Variants in PDE9A observed in about 807,000 individuals in gnomAD.
The protein encoded by PDE9A is phosphodiesterase 9A.
A neutral mutation model predicts 87.4 loss-of-function variants in PDE9A; 60 were observed. The observed-to-expected ratio is 0.69, with a 90% CI of 0.56 to 0.85. The LOEUF is 0.85. Among genes scored for constraint, PDE9A ranks in the 40% least tolerant of loss-of-function variants. The pLI is 0.00. For missense variants in PDE9A, 665 were observed against 779.0 expected (o/e 0.85, Z 1.74); for synonymous variants, 272 against 279.4 (o/e 0.97, Z 0.27).
chr21:42,769,418 GCA>G (rs1426818008), intron 17 of PDE9A, among the ~76,000 whole-genome samples: 6 of 126,630 alleles, frequency 4.7e-5, no homozygotes, highest in African/African-American at 1.3e-4. Flanking sequence ...GCACACACAG[GCA>G]CACACTCGTG....
At chr21:42,667,572 G>A (rs2058092212) in intron 1 of PDE9A, among the ~76,000 whole-genome samples, 1 of 152,142 alleles carries the variant, frequency 6.6e-6, no homozygotes, top group Non-Finnish European at 1.5e-5. Context: ...AAGAATGAAA[G>A]CACTTGGCCT....
chr21:42,676,373 C>G (rs2058845520), intron 1 of PDE9A, among the ~76,000 whole-genome samples: 1 of 152,228 alleles, frequency 6.6e-6, no homozygotes, highest in Non-Finnish European at 1.5e-5. Flanking sequence ...CGCCGCAAGG[C>G]TGCCTCTTAT....
intron 4 of PDE9A, 143 bp from the exon 5 acceptor site, chr21:42,731,627 A>G: frequency 1.2e-6 from 1 of 840,102 alleles, no homozygotes; most frequent in Non-Finnish European, 1.9e-6. Context: ...TCCCCCGTGC[A>G]GACCCGCCGT....
chr21:42,656,245 G>A (rs2057060912), intron 1 of PDE9A, among the ~76,000 whole-genome samples: 3 of 152,202 alleles, frequency 2.0e-5, no homozygotes, highest in African/African-American at 4.8e-5. Flanking sequence ...GATAAGGGAT[G>A]TGTTGCTTTC....
intron 3 of PDE9A, among the ~76,000 whole-genome samples, chr21:42,690,628 C>T (rs2059771160): frequency 6.6e-6 from 1 of 152,024 alleles, no homozygotes; most frequent in Admixed American, 6.5e-5. Flanking sequence ...TTTGTGCCTT[C>T]TTCCATTCCC....
At chr21:42,665,178 C>G (rs1428975344) in intron 1 of PDE9A, among the ~76,000 whole-genome samples, 1 of 152,226 alleles carries the variant, frequency 6.6e-6, no homozygotes, top group Non-Finnish European at 1.5e-5. Context: ...GCTCTGCGGG[C>G]AGCCCCTAGA....
At position 42,759,786 on chromosome 21, in the gene PDE9A, G is replaced by C. The variant is rs1209971051; in HGVS notation, c.898-542G>C. The stretch of plus-strand genomic sequence containing the variant: ...GTGTGCATGTGTGTATCTGGATGTG[G>C]GGGTGTGTGAGGGTGGATGTGTGCA... On this transcript the variant is annotated intron_variant, in intron 11 of 19. Coordinates refer to ENST00000291539, the MANE Select transcript of PDE9A (RefSeq NM_002606.3). The surrounding 1 kb of genome is among the most constrained non-coding windows in gnomAD (Gnocchi z 7.2). Among the ~76,000 whole-genome samples the C allele has an allele frequency of 6.8e-6, 1 of 147,488 alleles. No individual in the cohort carries two copies. The highest frequency in any genetic ancestry group is 1.5e-5 in the Non-Finnish European group (1 of 66,678).
intron 2 of PDE9A, among the ~76,000 whole-genome samples, 200 bp from the exon 3 acceptor site, chr21:42,687,717 C>A (rs116306980): frequency 6.6e-6 from 1 of 152,164 alleles, no homozygotes; most frequent in African/African-American, 2.4e-5. Flanking sequence ...TAGGATTATA[C>A]GCAGCTGTTT....
At chr21:42,753,845 G>T in intron 9 of PDE9A, 145 bp from the exon 10 acceptor site, 1 of 533,254 alleles carries the variant, frequency 1.9e-6, no homozygotes. Flanking sequence ...GCGTGGGCAA[G>T]AGTGAGACTC....
chr21:42,667,520 CAAAG>C (rs887588856), intron 1 of PDE9A, among the ~76,000 whole-genome samples: 3 of 152,014 alleles, frequency 2.0e-5, no homozygotes, highest in South Asian at 2.1e-4. Flanking sequence ...TCTCTTGAAA[CAAAG>C]GAAGAGAGTG....
chr21:42,726,422 CTGTGTT>C (rs1349898317), intron 4 of PDE9A, among the ~76,000 whole-genome samples: 15 of 151,458 alleles, frequency 9.9e-5, no homozygotes, highest in African/African-American at 3.6e-4. Flanking sequence ...TATCTTCTCT[CTGTGTT>C]TTATAGTTTC....
At chr21:42,732,679 C>T (rs4920144) in intron 6 of PDE9A, among the ~76,000 whole-genome samples, 49,547 of 152,076 alleles carry the variant, frequency 0.33, 8,345 homozygotes, top group East Asian at 0.54. Context: ...CTTTGGGAGG[C>T]GGAGGCGGGC....
rs1321743624 is a variant in PDE9A, at chr21:42,699,000, A to G, written c.251A>G (p.Lys84Arg). 39 of 1,612,014 alleles carry G rather than the reference A, an allele frequency of 2.4e-5. No homozygotes were observed. The highest frequency in any genetic ancestry group is 3.3e-5 in the Non-Finnish European group (39 of 1,178,184). The change falls in exon 4 of 20, where the codon AAG (lysine) becomes AGG (arginine). Residue 84 changes from lysine (K) to arginine (R), a missense_variant. Transcript: ENST00000291539. ...TACAAAGTGAGACCTGTGGCCATCA[A>G]GCAACTCTCCGGTAAGGCCCTGCTG... ...TPYKVRPVAI[K>R]QLSAGVEDKR...
intron 8 of PDE9A, among the ~76,000 whole-genome samples, chr21:42,745,185 A>T (rs2053712755): frequency 6.6e-6 from 1 of 152,140 alleles, no homozygotes; most frequent in South Asian, 2.1e-4. Context: ...GGGAAAGCCG[A>T]CGGGCCTCAT....
At chr21:42,743,087 G>A (rs925689768) in intron 7 of PDE9A, among the ~76,000 whole-genome samples, 7 of 152,200 alleles carry the variant, frequency 4.6e-5, no homozygotes, top group Admixed American at 2.0e-4. Context: ...TTCAGCCAAG[G>A]AATGAACACA....
Position 42,697,564 on chromosome 21 carries a change from T to TA in PDE9A, c.219-1401dup, listed in dbSNP as rs1481632039. 2.8e-5 allele frequency: 26 copies of TA among 932,618 alleles called. No individual in the cohort carries two copies. In the African/African-American group the frequency reaches 2.9e-4, roughly 10 times the overall value. The allele number at this position is 932,618 out of a possible 1,614,324, so 57.8% of individuals were successfully genotyped here. On this transcript the variant is annotated intron_variant, in intron 3 of 19. Transcript: ENST00000291539. ...TGCAGTGTCTCAGTCTGTCTGAACT[T>TA]AAACAGCTAGACATTGAGTTCTCAG...
chr21:42,709,063 C>T (rs891159867), intron 4 of PDE9A, among the ~76,000 whole-genome samples: 1 of 152,090 alleles, frequency 6.6e-6, no homozygotes, highest in African/African-American at 2.4e-5. Context: ...AAATGCCCAT[C>T]AATGATAGAT....
chr21:42,751,261 T>C (rs993694411), intron 9 of PDE9A, 64 bp downstream of exon 9: 5 of 1,193,154 alleles, frequency 4.2e-6, no homozygotes, highest in Non-Finnish European at 6.3e-6. Context: ...CCCAGCCCTG[T>C]GGCCCTGCGG....
intron 1 of PDE9A, among the ~76,000 whole-genome samples, chr21:42,657,775 G>C (rs888517881): frequency 6.6e-6 from 1 of 152,358 alleles, no homozygotes; most frequent in South Asian, 2.1e-4. Flanking sequence ...CGGGGCCTCT[G>C]TGGTGCCACT....
Sources: allele counts gnomAD v4.1 joint callset (sites outside exome capture counted in the v4.1 genomes callset), GRCh38; gene constraint gnomAD v4.1.1; non-coding constraint Gnocchi (gnomAD v3.1); transcripts MANE v1.5; gene names NCBI Gene and HGNC (gene_info 2026-07-23, HGNC 2026-07-21).